Variants in WWP2 observed in about 807,000 individuals in gnomAD.
WWP2 encodes NEDD4-like E3 ubiquitin-protein ligase WWP2.
Under a neutral mutation model 121.0 loss-of-function variants are expected in WWP2, and 57 were observed. That is an observed-to-expected ratio of 0.47 (90% confidence interval 0.38 to 0.59). WWP2 has a LOEUF of 0.59. WWP2 is among the 20% of genes least tolerant of loss of function. The pLI, the probability that WWP2 is intolerant of heterozygous loss-of-function variation, is 0.00. For missense variants in WWP2, 962 were observed against 1,158.9 expected (o/e 0.83, Z 2.47); for synonymous variants, 449 against 441.3 (o/e 1.02, Z -0.22).
chr16:69,922,243 A>C (rs2058574430), intron 10 of WWP2, among the ~76,000 whole-genome samples: 2 of 151,690 alleles, frequency 1.3e-5, no homozygotes, highest in South Asian at 4.2e-4. Context: ...CGTCTGGTGC[A>C]TCCTTAAAAA....
intron 11 of WWP2, among the ~76,000 whole-genome samples, chr16:69,929,085 G>T (rs1258412365): frequency 1.3e-5 from 2 of 152,154 alleles, no homozygotes; most frequent in Non-Finnish European, 2.9e-5. Context: ...GGCCTGGCGG[G>T]TTAGGGACTG....
At chr16:69,915,836 C>T (rs2058472157) in intron 9 of WWP2, among the ~76,000 whole-genome samples, 1 of 152,078 alleles carries the variant, frequency 6.6e-6, no homozygotes, top group Non-Finnish European at 1.5e-5. Flanking sequence ...GAGTTTGAGA[C>T]TAGCCTGAGC....
intron 8 of WWP2, among the ~76,000 whole-genome samples, chr16:69,902,846 A>G (rs899515747): frequency 2.6e-5 from 4 of 152,172 alleles, no homozygotes. Context: ...CTGGTTGGTG[A>G]TAGAATCCAC....
chr16:69,877,842 C>CTAT (rs1445072984), intron 7 of WWP2, among the ~76,000 whole-genome samples: 1 of 152,112 alleles, frequency 6.6e-6, no homozygotes, highest in Non-Finnish European at 1.5e-5. Flanking sequence ...GAGTCTCATG[C>CTAT]TGTTGCCCAC....
At chr16:69,938,936 A>G in intron 21 of WWP2, 91 bp from the exon 22 acceptor site, 1 of 1,193,416 alleles carries the variant, frequency 8.4e-7, no homozygotes, top group Non-Finnish European at 1.2e-6. Flanking sequence ...AGCCCCAAAG[A>G]GGGGCCCCGC....
intron 6 of WWP2, among the ~76,000 whole-genome samples, chr16:69,847,913 G>C (rs1231918627): frequency 1.3e-5 from 2 of 152,074 alleles, no homozygotes; most frequent in East Asian, 3.9e-4. Context: ...ACCATAGCAG[G>C]GAGTCAAGTT....
At chr16:69,933,245 C>T (rs1183959891) in intron 16 of WWP2, 1 of 420,142 alleles carries the variant, frequency 2.4e-6, no homozygotes, top group African/African-American at 2.0e-5. Flanking sequence ...GACTGGCCCC[C>T]TTGGGACATC....
rs148597935 is a variant in WWP2 at position 69,882,880 on chromosome 16, C to T, written c.704-5159C>T. Reference sequence around the variant, plus strand: ...AAAAGTTAATACAGCAGACCGGGTGCGGTGGCTCATGCCTGTACTCCCAGA... The same window carrying T: ...AAAAGTTAATACAGCAGACCGGGTGTGGTGGCTCATGCCTGTACTCCCAGA... On this transcript the variant is annotated intron_variant, in intron 7 of 23. Transcript: ENST00000359154. Among the ~76,000 whole-genome samples the T allele has an allele frequency of 1.8e-3, 276 of 152,190 alleles. 4 individuals are homozygous for T. Among genetic ancestry groups the T allele is most frequent in the African/African-American group, 6.0e-3 (251 of 41,536 alleles).
At chr16:69,804,864 G>C (rs1006347832) in intron 4 of WWP2, among the ~76,000 whole-genome samples, 1 of 152,124 alleles carries the variant, frequency 6.6e-6, no homozygotes, top group African/African-American at 2.4e-5. Flanking sequence ...TCTTTAAATA[G>C]ATTCCACTTT....
intron 4 of WWP2, among the ~76,000 whole-genome samples, chr16:69,801,136 C>T (rs576503399): frequency 6.8e-6 from 1 of 146,090 alleles, no homozygotes; most frequent in South Asian, 2.2e-4. Flanking sequence ...TTCCAGTGAG[C>T]CGAGATTGCG....
chr16:69,840,522 T>C (rs2056958585), intron 5 of WWP2, among the ~76,000 whole-genome samples: 1 of 152,236 alleles, frequency 6.6e-6, no homozygotes, highest in Non-Finnish European at 1.5e-5. Context: ...TTTCATCCCA[T>C]GTGGACTTTG....
intron 1 of WWP2, among the ~76,000 whole-genome samples, chr16:69,768,679 C>T (rs2055351397): frequency 6.6e-6 from 1 of 152,192 alleles, no homozygotes; most frequent in African/African-American, 2.4e-5. Flanking sequence ...GGCCCGTCCT[C>T]TTCCTCAAGT....
intron 1 of WWP2, among the ~76,000 whole-genome samples, chr16:69,777,075 T>A (rs2151776833): frequency 6.7e-6 from 1 of 149,302 alleles, no homozygotes; most frequent in African/African-American, 2.5e-5. Context: ...ATATTTATTT[T>A]AAAACAGTAT....
chr16:69,860,207 A>T (rs2057391042), intron 6 of WWP2, among the ~76,000 whole-genome samples: 1 of 152,124 alleles, frequency 6.6e-6, no homozygotes, highest in African/African-American at 2.4e-5. Context: ...TCTTTAAAGG[A>T]GTCGGGGAGG....
At chr16:69,774,073 T>A (rs1266171680) in intron 1 of WWP2, among the ~76,000 whole-genome samples, 2 of 152,022 alleles carry the variant, frequency 1.3e-5, no homozygotes, top group Non-Finnish European at 2.9e-5. Context: ...CCCCAGATAA[T>A]TCAGATGTCT....
At chr16:69,769,948 C>T (rs754709887) in intron 1 of WWP2, among the ~76,000 whole-genome samples, 26 of 149,998 alleles carry the variant, frequency 1.7e-4, no homozygotes, top group Non-Finnish European at 2.4e-4. Flanking sequence ...AATCTCGGCT[C>T]GCTGCAGCCT....
intron 8 of WWP2, among the ~76,000 whole-genome samples, chr16:69,894,044 G>A (rs74644858): frequency 0.037 from 5,636 of 151,768 alleles, 295 homozygotes; most frequent in African/African-American, 0.12. Context: ...TTCTCTTGGG[G>A]ATCTCATGGC....
Position 69,799,452 on chromosome 16 carries a change from C to T in WWP2, c.340+157C>T. The T allele has an allele frequency of 2.1e-6, 2 of 964,688 alleles. No homozygotes were observed. Among genetic ancestry groups the T allele is most frequent in the Non-Finnish European group, 3.0e-6 (2 of 675,862 alleles). 59.8% of individuals were successfully genotyped at this position (964,688 alleles called of 1,614,324 possible). ...TGGAGTTTTGGGAAGGCTGAGGGCTCCTCTCTGCCTCCACTACAGAGTTTA... is the reference window on the plus strand; with the variant it reads ...TGGAGTTTTGGGAAGGCTGAGGGCTTCTCTCTGCCTCCACTACAGAGTTTA... On this transcript the variant is annotated intron_variant, in intron 4 of 23. Coordinates refer to ENST00000359154, the MANE Select transcript of WWP2 (RefSeq NM_001270454.2). The surrounding 1 kb of genome is among the most constrained non-coding windows in gnomAD (Gnocchi z 4.5).
chr16:69,849,482 T>TATTTATTTATTCATTC lies in WWP2; in HGVS notation c.575+7365_575+7366insTATTTATTCATTCATT, dbSNP rs1555553863. Among the ~76,000 whole-genome samples the TATTTATTTATTCATTC allele has an allele frequency of 5.1e-3, 756 of 149,634 alleles. 5 individuals are homozygous for TATTTATTTATTCATTC. Among genetic ancestry groups the TATTTATTTATTCATTC allele is most frequent in the African/African-American group, 0.017 (696 of 40,336 alleles). On this transcript the variant is annotated intron_variant, in intron 6 of 23. Transcript: ENST00000359154. ...AATAAGTGTTATTTATTTATTTATT[T>TATTTATTTATTCATTC]ATTCATTCATTCATTCATTCATTCA...
Sources: allele counts gnomAD v4.1 joint callset (sites outside exome capture counted in the v4.1 genomes callset), GRCh38; gene constraint gnomAD v4.1.1; non-coding constraint Gnocchi (gnomAD v3.1); transcripts MANE v1.5; gene names NCBI Gene and HGNC (gene_info 2026-07-23, HGNC 2026-07-21).